Variants in FAM83E observed in about 807,000 individuals in gnomAD.
The protein encoded by FAM83E is protein FAM83E.
A neutral mutation model predicts 34.3 loss-of-function variants in FAM83E; 29 were observed. The ratio of observed to expected loss-of-function variants is 0.85; its 90% CI spans 0.63 to 1.15. FAM83E has a LOEUF of 1.15. FAM83E is among the 50% of genes most tolerant of loss of function. The probability of loss-of-function intolerance (pLI) is 0.00; values close to 1 mark genes in which losing one functional copy is unlikely to be tolerated. For missense variants in FAM83E, 697 were observed against 685.0 expected (o/e 1.02, Z -0.20); for synonymous variants, 312 against 311.6 (o/e 1.00, Z -0.01).
Position 48,601,074 on chromosome 19 carries a change from T to G in FAM83E, c.*35A>C, listed in dbSNP as rs1360389100. On this transcript the variant is annotated 3_prime_UTR_variant, in exon 7 of 7. Transcript: ENST00000263266. ...GCCGACAGTTGTCCGGCACTGCTCC[T>G]TGGGTGGGCCAGCAGATTTGGCTTG... 6.3e-7 allele frequency: 1 copy of G among 1,586,950 alleles called. No individual in the cohort carries two copies. Among genetic ancestry groups the G allele is most frequent in the Non-Finnish European group, 8.6e-7 (1 of 1,167,582 alleles).
chr19:48,602,441 G>C (rs189837638), intron 6 of FAM83E, among the ~76,000 whole-genome samples: 165 of 151,370 alleles, frequency 1.1e-3, no homozygotes, highest in South Asian at 2.5e-3. Context: ...CTAACCTACA[G>C]AGGGACAAGG....
chr19:48,603,825 C>G lies in FAM83E; in HGVS notation c.845G>C (p.Arg282Pro), dbSNP rs529880648. The G allele has an allele frequency of 1.9e-6, 3 of 1,608,170 alleles. No individual in the cohort carries two copies. Among genetic ancestry groups the G allele is most frequent in the South Asian group, 2.2e-5 (2 of 90,224 alleles). ...CGGGCAGGAGGCCGCGTACAGCGTC[C>G]GGAACTCAAGGCTGAAGGCGTCAAC... Reference protein sequence around the residue: ...EIVDAFSLEFRTLYAASCPLP... With the variant: ...EIVDAFSLEFPTLYAASCPLP... Residue 282 changes from arginine (R) to proline (P), a missense_variant, in exon 6 of 7, where the codon CGG becomes CCG. Coordinates refer to ENST00000263266, the MANE Select transcript of FAM83E (RefSeq NM_017708.4).
At chr19:48,601,394 G>T in intron 6 of FAM83E, 25 bp from the exon 7 acceptor site, 1 of 1,555,586 alleles carries the variant, frequency 6.4e-7, no homozygotes, top group South Asian at 1.2e-5. Context: ...AGAGGGAGGT[G>T]AGAGGAGGCT....
chr19:48,612,276 G>A (rs951861511), intron 3 of FAM83E, among the ~76,000 whole-genome samples: 2 of 152,002 alleles, frequency 1.3e-5, no homozygotes, highest in African/African-American at 4.8e-5. Flanking sequence ...GAGGGAGAGT[G>A]GAAACCCCTG....
intron 6 of FAM83E, among the ~76,000 whole-genome samples, chr19:48,602,860 TA>T (rs1194867956): frequency 1.9e-4 from 26 of 140,502 alleles, no homozygotes; most frequent in African/African-American, 6.4e-4. Context: ...TTATTATTAT[TA>T]TTATTATTTT....
At position 48,602,199 on chromosome 19, in the gene FAM83E, A is replaced by C. The variant is rs572039037; in HGVS notation, c.1177-830T>G. 3.4e-5 allele frequency among the ~76,000 whole-genome samples: 5 copies of C among 147,666 alleles called. No homozygotes were observed. The South Asian group carries it at 1.1e-3, about 32-fold the overall frequency. On this transcript the variant is annotated intron_variant, in intron 6 of 6. Transcript: ENST00000263266. Reference sequence around the variant, plus strand: ...GGAGGTAAAAGAAGAGGAAGGGGTAAGGGAGAAGGTGAGGGAGGAGAAAGA... The same window carrying C: ...GGAGGTAAAAGAAGAGGAAGGGGTACGGGAGAAGGTGAGGGAGGAGAAAGA...
Position 48,614,637 on chromosome 19 carries a change from GAAGA to G in FAM83E, c.-1255-14_-1255-11del, listed in dbSNP as rs1357183347. ...AGACCACAGCAGGGAGCTGCAAAGAGAAGAAAGGAGTCAAGGCAGGCCAGCCTCC... is the reference window on the plus strand; with the variant it reads ...AGACCACAGCAGGGAGCTGCAAAGAGAAGGAGTCAAGGCAGGCCAGCCTCC... On this transcript the variant is annotated splice_polypyrimidine_tract_variant and intron_variant, in intron 2 of 6. Transcript: ENST00000263266. The G allele has an allele frequency of 2.5e-5, 25 of 986,042 alleles. No individual in the cohort carries two copies. In the South Asian group the frequency reaches 7.0e-4, roughly 28 times the overall value. The allele number at this position is 986,042 out of a possible 1,614,324, so 61.1% of individuals were successfully genotyped here.
rs991742908 is a variant in FAM83E, at chr19:48,604,128, C to G, written c.759-217G>C. Among the ~76,000 whole-genome samples the G allele has an allele frequency of 1.3e-4, 20 of 152,022 alleles. No individual in the cohort carries two copies. In the East Asian group the frequency reaches 3.3e-3, roughly 25 times the overall value. ...AGTTAAGACACTTATATAATCAGGG[C>G]CAGGTGTGGTGACTCACACTTTGGG... is the stretch of plus-strand genomic sequence containing the variant. On this transcript the variant is annotated intron_variant, in intron 5 of 6. Coordinates refer to ENST00000263266, the MANE Select transcript of FAM83E (RefSeq NM_017708.4).
intron 3 of FAM83E, among the ~76,000 whole-genome samples, chr19:48,611,502 C>G (rs1974041556): frequency 6.6e-6 from 1 of 151,812 alleles, no homozygotes; most frequent in Admixed American, 6.6e-5. Context: ...AAGTCTTGCT[C>G]TGTTGCCCAG....
chr19:48,605,751 A>G (rs112141313), intron 5 of FAM83E, among the ~76,000 whole-genome samples: 3 of 151,844 alleles, frequency 2.0e-5, no homozygotes, highest in African/African-American at 7.2e-5. Flanking sequence ...GGGTTTTACC[A>G]CGTTGGCCAT....
intron 5 of FAM83E, among the ~76,000 whole-genome samples, chr19:48,605,221 T>C (rs1325040974): frequency 2.0e-5 from 3 of 152,008 alleles, no homozygotes; most frequent in African/African-American, 7.2e-5. Context: ...CAGTCCTGGC[T>C]GTGCACCAAG....
rs201027346 is a variant in FAM83E at position 48,603,782 on chromosome 19, G to A, written c.888C>T (p.Pro296=). The change falls in exon 6 of 7, where the codon CCC becomes CCT. Residue 296 remains proline (P), a synonymous_variant. Transcript: ENST00000263266. ...GGCCACCTATGACCGAGGGTTTCTG[G>A]GGGGGCGCAGGTGGGAGCGGGCAGG... ...AASCPLPPAP[P]QKPSVIGGLQ... The A allele has an allele frequency of 6.3e-7, 1 of 1,591,672 alleles. No individual in the cohort carries two copies. The highest frequency in any genetic ancestry group is 8.5e-7 in the Non-Finnish European group (1 of 1,170,966).
rs1305110369 is a variant in FAM83E at position 48,614,206 on chromosome 19, G to C, written c.-834C>G. 1 of 985,468 alleles carries C rather than the reference G, an allele frequency of 1.0e-6. No homozygotes were observed. The highest frequency in any genetic ancestry group is 1.2e-6 in the Non-Finnish European group (1 of 830,104). 61.0% of individuals were successfully genotyped at this position (985,468 alleles called of 1,614,324 possible). A position where few individuals can be genotyped will look rare whatever the true frequency, so the allele number is the denominator to read the frequency against. ...CCTCCTCACACTCCTTCCAGCTGCT[G>C]CAGTGGAGGGTGAAATGCGCTACAG... On this transcript the variant is annotated 5_prime_UTR_variant, in exon 3 of 7. Coordinates refer to ENST00000263266, the MANE Select transcript of FAM83E (RefSeq NM_017708.4).
At chr19:48,611,962 G>A (rs773205936) in intron 3 of FAM83E, among the ~76,000 whole-genome samples, 21 of 152,138 alleles carry the variant, frequency 1.4e-4, no homozygotes, top group Non-Finnish European at 2.6e-4. Flanking sequence ...CCACCGTGGC[G>A]AACTTGGGGG....
At chr19:48,602,813 ATT>A (rs1973850558) in intron 6 of FAM83E, among the ~76,000 whole-genome samples, 1 of 93,426 alleles carries the variant, frequency 1.1e-5, no homozygotes, top group African/African-American at 3.9e-5. Context: ...TCAGGAATGT[ATT>A]TATTTATTGT....
rs1428280320 is a variant in FAM83E, at chr19:48,604,062, C to T, written c.759-151G>A. 9 of 727,542 alleles carry T rather than the reference C, an allele frequency of 1.2e-5. No homozygotes were observed. The Admixed American group carries it at 3.0e-4, about 24-fold the overall frequency. The allele number at this position is 727,542 out of a possible 1,614,324, so 45.1% of individuals were successfully genotyped here. ...TTCCCTGTCTGTAGAATGGGCACAA[C>T]TGAAGTACCTACTCGGGAGGGGTGG... On this transcript the variant is annotated intron_variant, in intron 5 of 6. Coordinates refer to ENST00000263266, the MANE Select transcript of FAM83E (RefSeq NM_017708.4).
At chr19:48,606,862 AC>A in intron 5 of FAM83E, 1 of 1,329,906 alleles carries the variant, frequency 7.5e-7, no homozygotes, top group Non-Finnish European at 1.0e-6. Context: ...GGAGGCCAGG[AC>A]CAGGGCCAAA....
In FAM83E at chr19:48,601,004, C is replaced by A; in HGVS notation, c.*105G>T. 1.3e-6 allele frequency: 2 copies of A among 1,485,066 alleles called. No individual in the cohort carries two copies. Among genetic ancestry groups the A allele is most frequent in the Non-Finnish European group, 1.8e-6 (2 of 1,124,378 alleles). 92.0% of individuals were successfully genotyped at this position (1,485,066 alleles called of 1,614,324 possible). On this transcript the variant is annotated 3_prime_UTR_variant, in exon 7 of 7. Coordinates refer to ENST00000263266, the MANE Select transcript of FAM83E (RefSeq NM_017708.4). ...CCCTTCTGCTTGACAGACGCCGAGG[C>A]CAGAAGCCTTGTCCAAGGCAGGGCA...
chr19:48,613,091 G>A lies in FAM83E; in HGVS notation c.282C>T (p.Asp94=), dbSNP rs548988397. 2.7e-5 allele frequency: 44 copies of A among 1,610,194 alleles called. 2 individuals carry two copies. In the South Asian group the frequency reaches 3.1e-4, roughly 11 times the overall value. ...MAEGATTTDV[D]AGSLSYWPGQ... ...CAGGCCAGTAGCTCAGGCTGCCCGC[G>A]TCCACATCGGTGGTGGTGGCTCCCT... Residue 94 remains aspartate (D), a synonymous_variant, in exon 3 of 7, where the codon GAC becomes GAT. Coordinates refer to ENST00000263266, the MANE Select transcript of FAM83E (RefSeq NM_017708.4).
Sources: allele counts gnomAD v4.1 joint callset (sites outside exome capture counted in the v4.1 genomes callset), GRCh38; gene constraint gnomAD v4.1.1; transcripts MANE v1.5; gene names NCBI Gene and HGNC (gene_info 2026-07-23, HGNC 2026-07-21).